SEMA6D: variants seen among roughly 807,000 people sequenced by gnomAD.
SEMA6D encodes the protein semaphorin-6D.
SEMA6D carries 35 observed loss-of-function variants against 106.6 expected under a neutral mutation model. The ratio of observed to expected loss-of-function variants is 0.33; its 90% confidence interval spans 0.25 to 0.44. SEMA6D has a LOEUF of 0.44. Among genes scored for constraint, SEMA6D ranks in the 20% least tolerant of loss-of-function variants. The probability of loss-of-function intolerance (pLI) is 1.00; values close to 1 mark genes in which losing one functional copy is unlikely to be tolerated. For synonymous variants in SEMA6D, 499 were observed against 487.7 expected (o/e 1.02, Z -0.31); for missense variants, 1,185 against 1,345.9 (o/e 0.88, Z 1.87).
chr15:47,232,923 CAT>C lies in SEMA6D; in HGVS notation c.-239+48507_-239+48508del, dbSNP rs1310304226. Among the ~76,000 whole-genome samples, 4 of 152,034 alleles carry C rather than the reference CAT, an allele frequency of 2.6e-5. No homozygotes were observed. In the East Asian group the frequency reaches 5.8e-4, roughly 22 times the overall value. On this transcript the variant is annotated intron_variant, in intron 1 of 19. Coordinates refer to the SEMA6D transcript ENST00000558014. Reference sequence around the variant, plus strand: ...TAGTGTTCTTGGATACACACACACACATACACACAAATTAATTACTATGAAGT... The same window carrying C: ...TAGTGTTCTTGGATACACACACACACACACACAAATTAATTACTATGAAGT...
chr15:47,622,246 G>A (rs1299585484), intron 4 of SEMA6D, among the ~76,000 whole-genome samples: 3 of 150,634 alleles, frequency 2.0e-5, no homozygotes, highest in African/African-American at 7.3e-5. Context: ...AGGGATTGCT[G>A]ACTCAGCTAC....
chr15:47,264,586 T>A (rs1237923121), intron 1 of SEMA6D, among the ~76,000 whole-genome samples: 2 of 152,040 alleles, frequency 1.3e-5, no homozygotes, highest in African/African-American at 4.8e-5. Flanking sequence ...TGTGTGCATG[T>A]TTTATCATAA....
intron 1 of SEMA6D, among the ~76,000 whole-genome samples, chr15:47,392,759 G>A (rs2040081556): frequency 6.6e-6 from 1 of 152,188 alleles, no homozygotes; most frequent in Non-Finnish European, 1.5e-5. Context: ...CAGCAAGAAT[G>A]TAATACAGAT....
chr15:47,697,197 G>A (rs1215287820), intron 4 of SEMA6D, among the ~76,000 whole-genome samples: 1 of 152,194 alleles, frequency 6.6e-6, no homozygotes, highest in Non-Finnish European at 1.5e-5. Context: ...ATGCACATCT[G>A]TCAACTTGCA....
At chr15:47,616,725 A>G (rs748901517) in intron 4 of SEMA6D, among the ~76,000 whole-genome samples, 2 of 152,114 alleles carry the variant, frequency 1.3e-5, no homozygotes, top group Non-Finnish European at 2.9e-5. Context: ...GTTGTCTATG[A>G]TGGAAAAGTA....
chr15:47,192,624 T>C lies in SEMA6D; in HGVS notation c.-239+8206T>C, dbSNP rs551727510. Among the ~76,000 whole-genome samples the C allele has an allele frequency of 4.3e-4, 66 of 152,158 alleles. 1 individual carries two copies. Among genetic ancestry groups the C allele is most frequent in the African/African-American group, 1.5e-3 (63 of 41,512 alleles). On this transcript the variant is annotated intron_variant, in intron 1 of 19. Transcript: ENST00000558014. ...ATTGATAAGGTAAAAATGAATGATATAGTGTAAAAAGAAAAATAAAACAAT... is the reference window on the plus strand; with the variant it reads ...ATTGATAAGGTAAAAATGAATGATACAGTGTAAAAAGAAAAATAAAACAAT...
chr15:47,752,681 A>C (rs1053255702), intron 1 of SEMA6D, among the ~76,000 whole-genome samples: 17 of 152,176 alleles, frequency 1.1e-4, no homozygotes, highest in African/African-American at 4.1e-4. Flanking sequence ...ATTCCAGAAA[A>C]GAGTGAAGGG....
At chr15:47,605,601 A>C (rs972075754) in intron 4 of SEMA6D, among the ~76,000 whole-genome samples, 1 of 151,998 alleles carries the variant, frequency 6.6e-6, no homozygotes, top group African/African-American at 2.4e-5. Context: ...CACCTCCCCA[A>C]CTCGGACATT....
intron 3 of SEMA6D, among the ~76,000 whole-genome samples, chr15:47,519,816 G>T (rs532890103): frequency 8.5e-5 from 13 of 152,320 alleles, no homozygotes; most frequent in Non-Finnish European, 1.3e-4. Flanking sequence ...TGGGGAAGTG[G>T]CAAGGATGAT....
chr15:47,649,556 C>T (rs994752983), intron 4 of SEMA6D, among the ~76,000 whole-genome samples: 3 of 152,150 alleles, frequency 2.0e-5, no homozygotes, highest in Non-Finnish European at 2.9e-5. Flanking sequence ...GCCAGAGGAT[C>T]GCTTGAGCCC....
chr15:47,353,972 A>G (rs1177311507), intron 1 of SEMA6D, among the ~76,000 whole-genome samples: 1 of 151,996 alleles, frequency 6.6e-6, no homozygotes, highest in Non-Finnish European at 1.5e-5. Flanking sequence ...TATGTTTCCT[A>G]AAAAAACAGA....
At chr15:47,572,775 T>C (rs753267052) in intron 3 of SEMA6D, among the ~76,000 whole-genome samples, 7 of 152,214 alleles carry the variant, frequency 4.6e-5, no homozygotes, top group Admixed American at 3.3e-4. Flanking sequence ...GGAATTATTA[T>C]TTTTAAAAAT....
At chr15:47,673,706 G>C (rs1265669020) in intron 4 of SEMA6D, among the ~76,000 whole-genome samples, 2 of 152,164 alleles carry the variant, frequency 1.3e-5, no homozygotes, top group Non-Finnish European at 2.9e-5. Flanking sequence ...TGTCACGTGG[G>C]GGGAGAATTA....
At chr15:47,522,548 T>A (rs12441302) in intron 3 of SEMA6D, among the ~76,000 whole-genome samples, 17,101 of 152,110 alleles carry the variant, frequency 0.11, 1,356 homozygotes, top group East Asian at 0.32. Flanking sequence ...TAAGTAAGCA[T>A]CCTTTCAAGA....
chr15:47,666,297 C>T (rs533796481), intron 4 of SEMA6D, among the ~76,000 whole-genome samples: 3 of 152,316 alleles, frequency 2.0e-5, no homozygotes, highest in East Asian at 1.9e-4. Flanking sequence ...GGCCCAGACA[C>T]GTCTCTATAT....
At chr15:47,747,876 AG>A (rs2081231723) in intron 1 of SEMA6D, among the ~76,000 whole-genome samples, 1 of 152,262 alleles carries the variant, frequency 6.6e-6, no homozygotes, top group African/African-American at 2.4e-5. Context: ...CCCAGCCATT[AG>A]GCAAGCTGAT....
At chr15:47,226,837 C>T (rs1454840) in intron 1 of SEMA6D, among the ~76,000 whole-genome samples, 3,240 of 152,180 alleles carry the variant, frequency 0.021, 113 homozygotes, top group African/African-American at 0.075. Context: ...GAACCCAATC[C>T]TTCATCTCAT....
At chr15:47,193,145 G>C (rs1013824109) in intron 1 of SEMA6D, among the ~76,000 whole-genome samples, 2 of 152,134 alleles carry the variant, frequency 1.3e-5, no homozygotes, top group African/African-American at 2.4e-5. Flanking sequence ...GGCTGCCTGA[G>C]TACAAGTCCC....
intron 4 of SEMA6D, among the ~76,000 whole-genome samples, chr15:47,635,983 C>A (rs1046152528): frequency 6.6e-6 from 1 of 150,788 alleles, no homozygotes; most frequent in African/African-American, 2.4e-5. Flanking sequence ...AAAATTTTAC[C>A]GAAGAGAATC....
Sources: allele counts gnomAD v4.1 joint callset (sites outside exome capture counted in the v4.1 genomes callset), GRCh38; gene constraint gnomAD v4.1.1; transcripts MANE v1.5; gene names NCBI Gene and HGNC (gene_info 2026-07-23, HGNC 2026-07-21).